TMEM163: variants seen among roughly 807,000 people sequenced by gnomAD.
TMEM163 encodes transmembrane protein 163.
In TMEM163, 17 loss-of-function variants were observed where a neutral mutation model predicts 29.3. That is an observed-to-expected ratio of 0.58 (90% CI 0.40 to 0.87). TMEM163 has a LOEUF of 0.87. TMEM163 is among the 40% of genes least tolerant of loss of function. The pLI is 0.00. For synonymous variants in TMEM163, 157 were observed against 160.6 expected (o/e 0.98, Z 0.17); for missense variants, 303 against 381.5 (o/e 0.79, Z 1.71).
chr2:134,594,665 T>G (rs1682021693), intron 2 of TMEM163, among the ~76,000 whole-genome samples: 1 of 152,206 alleles, frequency 6.6e-6, no homozygotes, highest in Non-Finnish European at 1.5e-5. Context: ...CTTGCTGAGT[T>G]TGTTCATTTA....
At chr2:134,601,571 T>C (rs1313177801) in intron 2 of TMEM163, among the ~76,000 whole-genome samples, 1 of 152,214 alleles carries the variant, frequency 6.6e-6, no homozygotes, top group Non-Finnish European at 1.5e-5. Flanking sequence ...CACAGCTGTG[T>C]TCCTTCCCGG....
intron 4 of TMEM163, among the ~76,000 whole-genome samples, chr2:134,523,946 G>C (rs1215994032): frequency 1.3e-5 from 2 of 152,078 alleles, no homozygotes; most frequent in Non-Finnish European, 2.9e-5. Flanking sequence ...TAGAGACCAG[G>C]GATGCTTTTA....
chr2:134,674,138 T>G (rs544732776), intron 2 of TMEM163, among the ~76,000 whole-genome samples: 2 of 152,254 alleles, frequency 1.3e-5, no homozygotes, highest in Non-Finnish European at 2.9e-5. Flanking sequence ...CACATACTTT[T>G]GTCAAGGGTA....
chr2:134,589,167 C>G (rs1681885612), intron 2 of TMEM163, among the ~76,000 whole-genome samples: 1 of 152,164 alleles, frequency 6.6e-6, no homozygotes, highest in African/African-American at 2.4e-5. Context: ...GTAGAATACA[C>G]AGGACCCAGG....
intron 4 of TMEM163, among the ~76,000 whole-genome samples, chr2:134,538,108 G>GTTTCCAAAA (rs1215646297): frequency 6.6e-6 from 1 of 152,224 alleles, no homozygotes; most frequent in Non-Finnish European, 1.5e-5. Context: ...GGGGCTACAT[G>GTTTCCAAAA]TTTCCAAAAT....
At chr2:134,669,513 C>G (rs536357345) in intron 2 of TMEM163, among the ~76,000 whole-genome samples, 1 of 152,360 alleles carries the variant, frequency 6.6e-6, no homozygotes, top group South Asian at 2.1e-4. Context: ...GTTCCCCATC[C>G]TGGGGCGCAG....
At chr2:134,575,516 A>C (rs1681532255) in intron 2 of TMEM163, among the ~76,000 whole-genome samples, 1 of 152,158 alleles carries the variant, frequency 6.6e-6, no homozygotes, top group East Asian at 1.9e-4. Flanking sequence ...TAGAGGAGAG[A>C]GGCACACACA....
intron 2 of TMEM163, among the ~76,000 whole-genome samples, chr2:134,636,252 G>T (rs1250892385): frequency 6.6e-6 from 1 of 152,200 alleles, no homozygotes; most frequent in Non-Finnish European, 1.5e-5. Context: ...ACCAGGTACA[G>T]GCACCAAATC....
At chr2:134,593,380 C>T (rs1350032426) in intron 2 of TMEM163, among the ~76,000 whole-genome samples, 2 of 151,840 alleles carry the variant, frequency 1.3e-5, no homozygotes, top group Non-Finnish European at 2.9e-5. Flanking sequence ...CCACACCATA[C>T]CCTGAGGAGA....
intron 4 of TMEM163, among the ~76,000 whole-genome samples, chr2:134,527,364 G>A (rs965656174): frequency 2.0e-5 from 3 of 151,922 alleles, no homozygotes; most frequent in Admixed American, 2.0e-4. Context: ...GGAAACCTTA[G>A]AAAGTATATT....
rs1684964432 is a variant in TMEM163 at position 134,713,205 on chromosome 2, G to A, written c.317C>T (p.Ala106Val). The change falls in exon 2 of 8, where the codon GCC (alanine) becomes GTC (valine). Residue 106 changes from alanine to valine, a missense_variant. By Grantham distance (64) the Ala-to-Val change is moderately conservative. This residue lies in a region of TMEM163 where 203 missense variants were observed against 294.3 expected (regional missense o/e 0.69). Transcript: ENST00000281924. Reference sequence around the variant, plus strand: ...ACGAGACCCTTGATACTCACTAAAGGCAGCCACCGCGAGGGCCAGGGTGAC... The same window carrying A: ...ACGAGACCCTTGATACTCACTAAAGACAGCCACCGCGAGGGCCAGGGTGAC... ...IIVTLALAVA[A>V]FTVSVMRYSA... 1.9e-6 allele frequency: 3 copies of A among 1,613,810 alleles called. No individual in the cohort carries two copies. Among genetic ancestry groups the A allele is most frequent in the Non-Finnish European group, 1.7e-6 (2 of 1,179,924 alleles).
At chr2:134,623,882 A>G (rs1341139666) in intron 2 of TMEM163, among the ~76,000 whole-genome samples, 1 of 152,174 alleles carries the variant, frequency 6.6e-6, no homozygotes, top group African/African-American at 2.4e-5. Flanking sequence ...CGAATTTAGT[A>G]CTCTTTGCAT....
chr2:134,699,377 G>A (rs546228107), intron 2 of TMEM163, among the ~76,000 whole-genome samples: 10 of 152,200 alleles, frequency 6.6e-5, no homozygotes, highest in East Asian at 3.9e-4. Flanking sequence ...TGTGGTACAC[G>A]TCTGTAGTGC....
At chr2:134,582,357 G>T (rs1441549642) in intron 2 of TMEM163, among the ~76,000 whole-genome samples, 1 of 152,216 alleles carries the variant, frequency 6.6e-6, no homozygotes, top group East Asian at 1.9e-4. Context: ...CAGCTGCCAT[G>T]CGGGGGCCGC....
chr2:134,483,150 C>G (rs1236781444), intron 5 of TMEM163, among the ~76,000 whole-genome samples: 1 of 152,182 alleles, frequency 6.6e-6, no homozygotes, highest in African/African-American at 2.4e-5. Context: ...AGCCCAGCTT[C>G]TGGTCAAGGA....
intron 2 of TMEM163, among the ~76,000 whole-genome samples, chr2:134,652,639 C>T (rs200435888): frequency 1.1e-4 from 13 of 117,242 alleles, no homozygotes; most frequent in South Asian, 3.1e-4. Flanking sequence ...TCAAAGGGAA[C>T]GCTTCCAGTT....
chr2:134,652,234 G>C (rs1429329918), intron 2 of TMEM163, among the ~76,000 whole-genome samples: 3 of 76,620 alleles, frequency 3.9e-5, no homozygotes, highest in Admixed American at 1.2e-4. Context: ...GCAGTGATTT[G>C]TAGTTCTCCT....
chr2:134,499,465 A>C (rs1679653564), intron 5 of TMEM163, among the ~76,000 whole-genome samples: 1 of 152,188 alleles, frequency 6.6e-6, no homozygotes, highest in South Asian at 2.1e-4. Context: ...ATTTGCCCAC[A>C]CAGCCCTGGA....
At chr2:134,666,763 C>T (rs986913869) in intron 2 of TMEM163, among the ~76,000 whole-genome samples, 2 of 152,152 alleles carry the variant, frequency 1.3e-5, no homozygotes, top group African/African-American at 2.4e-5. Flanking sequence ...AAAAGGAGAT[C>T]GTAATAGTGT....
Sources: gnomAD v4.1 joint callset for allele counts (sites outside exome capture counted in the v4.1 genomes callset) on GRCh38, gnomAD v4.1.1 for gene constraint, gnomAD v4.1.1 regional missense constraint, MANE v1.5 for transcripts, NCBI Gene and HGNC (gene_info 2026-07-23, HGNC 2026-07-21) for gene names.